SAMD11: variants seen among roughly 807,000 people sequenced by gnomAD.
SAMD11 encodes sterile alpha motif domain containing 11.
A neutral mutation model predicts 64.4 loss-of-function variants in SAMD11; 77 were observed. That is an observed-to-expected ratio of 1.20 (90% CI 0.99 to 1.44). The LOEUF is 1.44. Among genes scored for constraint, SAMD11 ranks in the 40% most tolerant of loss-of-function variants. SAMD11 has a pLI of 0.00. For synonymous variants in SAMD11, 658 were observed against 421.9 expected (o/e 1.56, Z -6.86); for missense variants, 1,402 against 943.3 (o/e 1.49, Z -6.37).
rs1268809152 is a variant in SAMD11 at position 935,689 on chromosome 1, G to C, written c.843-83G>C. ...GAGGTCATCCCCACGCTCACACACA[G>C]AGCTAGGCACTCCCTGTGCCCAGGC... On this transcript the variant is annotated intron_variant, in intron 4 of 13. Transcript: ENST00000616016. 1.8e-5 allele frequency: 28 copies of C among 1,582,030 alleles called. No homozygotes were observed. In the Admixed American group the frequency reaches 2.0e-4, roughly 11 times the overall value.
At chr1:927,092 G>T (rs559815365) in intron 2 of SAMD11, among the ~76,000 whole-genome samples, 1 of 152,128 alleles carries the variant, frequency 6.6e-6, no homozygotes. Flanking sequence ...GGACACAGCC[G>T]CACCTCACCC....
chr1:943,603 T>G, intron 12 of SAMD11, 95 bp from the exon 13 acceptor site: 2 of 1,342,026 alleles, frequency 1.5e-6, no homozygotes, highest in Non-Finnish European at 2.0e-6. Context: ...TTTTAAAAAA[T>G]TTCCGTGAGC....
intron 2 of SAMD11, among the ~76,000 whole-genome samples, chr1:929,539 G>A (rs991475907): frequency 3.3e-5 from 5 of 152,210 alleles, no homozygotes; most frequent in African/African-American, 1.2e-4. Flanking sequence ...AAGGGCATTC[G>A]CTTGTCAACG....
Position 930,353 on chromosome 1 carries a change from C to T in SAMD11, c.791+17C>T, listed in dbSNP as rs762860451. The stretch of plus-strand genomic sequence containing the variant: ...GAAGAGAAGGTACTTGGACCAGGGC[C>T]GGACAGGAAGGCGCAAGGCTCAGAT... On this transcript the variant is annotated intron_variant, in intron 3 of 13. Coordinates refer to ENST00000616016, the MANE Select transcript of SAMD11 (RefSeq NM_001385641.1). 19 of 1,587,854 alleles carry T rather than the reference C, an allele frequency of 1.2e-5. No individual in the cohort carries two copies. Among genetic ancestry groups the T allele is most frequent in the Middle Eastern group, 1.7e-4 (1 of 6,032 alleles).
intron 7 of SAMD11, among the ~76,000 whole-genome samples, chr1:940,714 C>T (rs888019018): frequency 6.6e-6 from 1 of 152,248 alleles, no homozygotes; most frequent in Admixed American, 6.5e-5. Flanking sequence ...TTGTGACAAG[C>T]TTTGGCCAGC....
In SAMD11 at chr1:943,730, C is replaced by T. The variant is rs1370377724; in HGVS notation, c.2211C>T (p.Thr737=). Reference sequence around the variant, plus strand: ...GGGAGCAGGGGATCGACGGGGAGACCCTGCCACTGCTGACGGAGGAGCACC... The same window carrying T: ...GGGAGCAGGGGATCGACGGGGAGACTCTGCCACTGCTGACGGAGGAGCACC... ...VFREQGIDGE[T]LPLLTEEHLL... Residue 737 remains threonine, a synonymous_variant, in exon 13 of 14, where the codon ACC becomes ACT. Coordinates refer to ENST00000616016, the MANE Select transcript of SAMD11 (RefSeq NM_001385641.1). 7 of 1,602,600 alleles carry T rather than the reference C, an allele frequency of 4.4e-6. 1 individual carries two copies. The South Asian group carries it at 4.4e-5, about 10-fold the overall frequency.
chr1:930,075 C>T (rs547574052), intron 2 of SAMD11, 80 bp from the exon 3 acceptor site: 50 of 1,460,712 alleles, frequency 3.4e-5, no homozygotes, highest in Middle Eastern at 2.4e-4. Context: ...TGGAACGGCC[C>T]GGTCCAGCCC....
In SAMD11 at chr1:942,207, G is replaced by T. The variant is rs1641817090; in HGVS notation, c.1430G>T (p.Arg477Met). Residue 477 changes from arginine (R) to methionine (M), a missense_variant, in exon 9 of 14, where the codon AGG becomes ATG. Transcript: ENST00000616016. ...APHVALGPHL[R>M]PPFLGVPSAL... ...CACGTCGCCCTGGGCCCCCATCTCA[G>T]GCCCCCCTTCCTGGGGGTGCCCTCG... 8 of 1,368,470 alleles carry T rather than the reference G, an allele frequency of 5.8e-6. No individual in the cohort carries two copies. In the Admixed American group the frequency reaches 9.0e-5, roughly 15 times the overall value. 84.8% of individuals were successfully genotyped at this position (1,368,470 alleles called of 1,614,324 possible). A position where few individuals can be genotyped will look rare whatever the true frequency, so the allele number is the denominator to read the frequency against.
Position 944,346 on chromosome 1 carries a change from T to C in SAMD11, c.*193T>C, listed in dbSNP as rs1211788412. The C allele has an allele frequency of 9.5e-6, 13 of 1,371,824 alleles. No individual in the cohort carries two copies. The highest frequency in any genetic ancestry group is 7.0e-5 in the Admixed American group (2 of 28,394). 85.0% of individuals were successfully genotyped at this position (1,371,824 alleles called of 1,614,324 possible). ...GAGTGAAGGCAGAGCCTGGTGCAGA[T>C]GGACGAGGTCTGCAGACGGAGGGCA... On this transcript the variant is annotated 3_prime_UTR_variant, in exon 14 of 14. Coordinates refer to ENST00000616016, the MANE Select transcript of SAMD11 (RefSeq NM_001385641.1).
chr1:926,217 C>T (rs1640879766), intron 2 of SAMD11, among the ~76,000 whole-genome samples: 1 of 152,216 alleles, frequency 6.6e-6, no homozygotes, highest in Admixed American at 6.5e-5. Context: ...CCTCGGGCAC[C>T]CGAGCGCCCT....
intron 5 of SAMD11, among the ~76,000 whole-genome samples, chr1:937,880 C>T (rs982826770): frequency 1.3e-5 from 2 of 152,176 alleles, no homozygotes; most frequent in Admixed American, 1.3e-4. Flanking sequence ...GCCGCACTTC[C>T]CCAGCCTGAT....
chr1:943,382 G>C lies in SAMD11; in HGVS notation c.2178+5G>C, dbSNP rs776954950. ...GGCTGTGGAGAGTACACTCGGGTAA[G>C]GGGGGGCCCCAGTTCCTGGGGCGGG... On this transcript the variant is annotated splice_donor_5th_base_variant and intron_variant, in intron 12 of 13. Coordinates refer to ENST00000616016, the MANE Select transcript of SAMD11 (RefSeq NM_001385641.1). The C allele has an allele frequency of 2.0e-6, 3 of 1,528,534 alleles. No homozygotes were observed. Among genetic ancestry groups the C allele is most frequent in the Non-Finnish European group, 2.6e-6 (3 of 1,135,714 alleles). 94.7% of individuals were successfully genotyped at this position (1,528,534 alleles called of 1,614,324 possible). A position where few individuals can be genotyped will look rare whatever the true frequency, so the allele number is the denominator to read the frequency against.
At chr1:940,793 C>T (rs974966649) in intron 7 of SAMD11, among the ~76,000 whole-genome samples, 90 of 152,334 alleles carry the variant, frequency 5.9e-4, no homozygotes, top group African/African-American at 2.0e-3. Flanking sequence ...GGCGGTCAGC[C>T]CCTGGCTGGC....
intron 2 of SAMD11, among the ~76,000 whole-genome samples, chr1:926,613 A>C (rs1045598154): frequency 6.6e-6 from 1 of 152,082 alleles, no homozygotes; most frequent in Non-Finnish European, 1.5e-5. Context: ...CAAGGCCCCA[A>C]CCCAGGGTAG....
In SAMD11 at chr1:941,289, C is replaced by T; in HGVS notation, c.1341C>T (p.Ala447=). ...QHREGAAPAA[A]PSFSERELPQ... is the part of the protein sequence containing the mutation. ...GGGAGGGCGCCGCCCCAGCTGCCGCCCCGTCCTTCTCGGAGAGGTACTGGG... is the reference window on the plus strand; with the variant it reads ...GGGAGGGCGCCGCCCCAGCTGCCGCTCCGTCCTTCTCGGAGAGGTACTGGG... The change falls in exon 8 of 14, where the codon GCC becomes GCT. Residue 447 remains alanine, a synonymous_variant. Coordinates refer to ENST00000616016, the MANE Select transcript of SAMD11 (RefSeq NM_001385641.1). The T allele has an allele frequency of 6.3e-7, 1 of 1,591,670 alleles. No homozygotes were observed. The highest frequency in any genetic ancestry group is 8.6e-7 in the Non-Finnish European group (1 of 1,169,416).
rs768652726 is a variant in SAMD11 at position 942,200 on chromosome 1, C to T, written c.1423C>T (p.His475Tyr). 7.3e-7 allele frequency: 1 copy of T among 1,372,708 alleles called. No individual in the cohort carries two copies. The highest frequency in any genetic ancestry group is 9.4e-7 in the Non-Finnish European group (1 of 1,059,020). The allele number at this position is 1,372,708 out of a possible 1,614,324, so 85.0% of individuals were successfully genotyped here. The change falls in exon 9 of 14, where the codon CAT (histidine) becomes TAT (tyrosine). Residue 475 changes from histidine to tyrosine, a missense_variant. Coordinates refer to ENST00000616016, the MANE Select transcript of SAMD11 (RefSeq NM_001385641.1). ...QNAPHVALGP[H>Y]LRPPFLGVPS... ...TGCCCCTCACGTCGCCCTGGGCCCC[C>T]ATCTCAGGCCCCCCTTCCTGGGGGT...
rs1640783550 is a variant in SAMD11 at position 924,268 on chromosome 1, G to C, written c.-164G>C. 6.7e-6 allele frequency: 1 copy of C among 149,686 alleles called. No individual in the cohort carries two copies. 9.3% of individuals were successfully genotyped at this position (149,686 alleles called of 1,614,324 possible). On this transcript the variant is annotated 5_prime_UTR_variant, in exon 1 of 14. Transcript: ENST00000616016. Reference sequence around the variant, plus strand: ...CCGGCTGGGCAGTCCGGGGAGGCCTGGCGGGCGGCGCGTAGGCGGCGGCTG... The same window carrying C: ...CCGGCTGGGCAGTCCGGGGAGGCCTCGCGGGCGGCGCGTAGGCGGCGGCTG...
At position 943,755 on chromosome 1, in the gene SAMD11, C is replaced by T. The variant is rs149790558; in HGVS notation, c.2236C>T (p.Leu746=). ...ETLPLLTEEH[L]LTNMGLKLGP... Reference sequence around the variant, plus strand: ...CCTGCCACTGCTGACGGAGGAGCACCTGCTGACCAACATGGGGCTGAAGCT... The same window carrying T: ...CCTGCCACTGCTGACGGAGGAGCACTTGCTGACCAACATGGGGCTGAAGCT... The change falls in exon 13 of 14, where the codon CTG becomes TTG. Residue 746 remains leucine, a synonymous_variant. Transcript: ENST00000616016. The T allele has an allele frequency of 1.0e-4, 167 of 1,611,274 alleles. No homozygotes were observed. In the African/African-American group the frequency reaches 2.1e-3, roughly 20 times the overall value.
intron 2 of SAMD11, among the ~76,000 whole-genome samples, chr1:928,198 CCTGA>C (rs1325683560): frequency 2.6e-5 from 4 of 151,512 alleles, no homozygotes; most frequent in African/African-American, 7.3e-5. Flanking sequence ...TCGAGACCAT[CCTGA>C]CTAACACGGT....
Sources: allele counts gnomAD v4.1 joint callset (sites outside exome capture counted in the v4.1 genomes callset), GRCh38; gene constraint gnomAD v4.1.1; transcripts MANE v1.5; gene names NCBI Gene and HGNC (gene_info 2026-07-23, HGNC 2026-07-21).